WNK1: variants seen among roughly 807,000 people sequenced by gnomAD.
WNK1 encodes WNK lysine deficient protein kinase 1.
WNK1 carries 38 observed loss-of-function variants against 222.8 expected under a neutral mutation model. That is an observed-to-expected ratio of 0.17 (90% CI 0.13 to 0.22). WNK1 has a LOEUF of 0.22. WNK1 is among the 10% of genes least tolerant of loss of function. The pLI is 1.00. For missense variants in WNK1, 2,348 were observed against 2,918.4 expected (o/e 0.80, Z 4.50); for synonymous variants, 1,090 against 1,092.9 (o/e 1.00, Z 0.05).
Position 885,921 on chromosome 12 carries a change from C to T in WNK1, c.5117C>T (p.Thr1706Ile). Residue 1706 changes from threonine to isoleucine, a missense_variant, in exon 19 of 28, where the codon ACC becomes ATC. Transcript: ENST00000315939. ...GCACCAAGCAAACTCCTGACTTCTA[C>T]CACAAGTACTTGCTTACCACCAACC... The part of the protein sequence containing the change: ...AVAPSKLLTS[T>I]TSTCLPPTNL... The T allele has an allele frequency of 3.7e-6, 6 of 1,604,192 alleles. No homozygotes were observed. Among genetic ancestry groups the T allele is most frequent in the Non-Finnish European group, 5.1e-6 (6 of 1,174,204 alleles).
chr12:841,060 T>G (rs756271256), intron 4 of WNK1, among the ~76,000 whole-genome samples: 11 of 152,382 alleles, frequency 7.2e-5, no homozygotes, highest in Non-Finnish European at 1.5e-4. Flanking sequence ...TAACCTGTTT[T>G]CAGTTGTTCA....
At chr12:758,816 A>G (rs1314221825) in intron 1 of WNK1, among the ~76,000 whole-genome samples, 3 of 146,250 alleles carry the variant, frequency 2.1e-5, no homozygotes, top group Admixed American at 1.4e-4. Context: ...TTTTTCTCTT[A>G]CCTTTTTTCT....
chr12:878,137 T>C (rs1172961703), intron 9 of WNK1, 75 bp from the exon 10 acceptor site: 32 of 1,580,232 alleles, frequency 2.0e-5, no homozygotes, highest in Non-Finnish European at 2.8e-5. Flanking sequence ...CTGAAGGCTT[T>C]AGGTAAACAT....
chr12:844,507 G>A (rs1431175064), intron 4 of WNK1, among the ~76,000 whole-genome samples: 1 of 152,186 alleles, frequency 6.6e-6, no homozygotes, highest in African/African-American at 2.4e-5. Context: ...AACTTGAAGA[G>A]TAAGTCCATT....
chr12:841,476 T>A (rs1949620965), intron 4 of WNK1, among the ~76,000 whole-genome samples: 1 of 152,232 alleles, frequency 6.6e-6, no homozygotes, highest in Non-Finnish European at 1.5e-5. Context: ...ATTGCATATA[T>A]ATACTACATT....
Position 753,406 on chromosome 12 carries a change from C to A in WNK1, c.-160C>A. On this transcript the variant is annotated 5_prime_UTR_variant, in exon 1 of 28. Coordinates refer to ENST00000315939, the MANE Select transcript of WNK1 (RefSeq NM_018979.4). The surrounding 1 kb of genome is among the most constrained non-coding windows in gnomAD (Gnocchi z 5.2). ...CAGCTGGGCCCAGCGGTCCGCCTGT[C>A]CCTCGTTGCGGCTTGTCGGTGCTGA... is the stretch of plus-strand genomic sequence containing the variant. 1.1e-6 allele frequency: 1 copy of A among 920,060 alleles called. No homozygotes were observed. Among genetic ancestry groups the A allele is most frequent in the Non-Finnish European group, 1.6e-6 (1 of 617,118 alleles). 57.0% of individuals were successfully genotyped at this position (920,060 alleles called of 1,614,324 possible).
At chr12:841,519 G>A (rs1326228464) in intron 4 of WNK1, among the ~76,000 whole-genome samples, 1 of 152,054 alleles carries the variant, frequency 6.6e-6, no homozygotes, top group East Asian at 1.9e-4. Flanking sequence ...TTTCCCTTTA[G>A]TTCTTTAGTT....
intron 4 of WNK1, among the ~76,000 whole-genome samples, chr12:836,239 A>G (rs1182196438): frequency 6.6e-6 from 1 of 152,210 alleles, no homozygotes; most frequent in East Asian, 1.9e-4. Flanking sequence ...AACATGCTAT[A>G]TGAGTGATAC....
intron 5 of WNK1, 43 bp from the exon 6 acceptor site, chr12:859,202 G>T: frequency 1.3e-6 from 2 of 1,496,140 alleles, no homozygotes; most frequent in South Asian, 2.3e-5. Flanking sequence ...TCAAACTAAT[G>T]GTGTTTTATT....
At chr12:857,467 C>A (rs1950872818) in intron 5 of WNK1, among the ~76,000 whole-genome samples, 1 of 152,112 alleles carries the variant, frequency 6.6e-6, no homozygotes, top group South Asian at 2.1e-4. Context: ...TTTCAGTAAA[C>A]CAGAACCACC....
chr12:858,531 T>C (rs186741104), intron 5 of WNK1, among the ~76,000 whole-genome samples: 302 of 152,316 alleles, frequency 2.0e-3, no homozygotes, highest in African/African-American at 7.0e-3. Context: ...ATGATTGGCA[T>C]ATTGAAACCA....
intron 1 of WNK1, among the ~76,000 whole-genome samples, chr12:808,152 T>TA (rs367994801): frequency 1.3e-5 from 2 of 152,340 alleles, no homozygotes; most frequent in East Asian, 3.9e-4. Context: ...TTAACCCTGT[T>TA]AGCTGCTTTC....
intron 9 of WNK1, among the ~76,000 whole-genome samples, chr12:874,147 C>T (rs1319680179): frequency 1.7e-4 from 25 of 151,364 alleles, no homozygotes; most frequent in Admixed American, 1.1e-3. Context: ...CAGAGCATGA[C>T]TCATCTCAAA....
intron 4 of WNK1, among the ~76,000 whole-genome samples, chr12:845,666 G>T (rs11064566): frequency 6.6e-6 from 1 of 152,128 alleles, no homozygotes; most frequent in African/African-American, 2.4e-5. Context: ...AATGAGAAAG[G>T]CAAAGTGCCT....
At chr12:822,278 G>T (rs142750188) in intron 2 of WNK1, among the ~76,000 whole-genome samples, 2 of 151,740 alleles carry the variant, frequency 1.3e-5, no homozygotes, top group African/African-American at 2.4e-5. Flanking sequence ...ATTTTTAGTA[G>T]AGACAGGGTT....
chr12:807,461 A>C (rs1043204275), intron 1 of WNK1, among the ~76,000 whole-genome samples: 3 of 151,832 alleles, frequency 2.0e-5, no homozygotes, highest in African/African-American at 7.3e-5. Context: ...CAATTCTTTG[A>C]GATGCTTGTC....
At chr12:792,221 A>G (rs957627957) in intron 1 of WNK1, among the ~76,000 whole-genome samples, 12 of 152,146 alleles carry the variant, frequency 7.9e-5, no homozygotes, top group Admixed American at 7.9e-4. Context: ...AAAGGTATAA[A>G]GGTGATAGAG....
chr12:762,945 C>T (rs1187961002), intron 1 of WNK1, among the ~76,000 whole-genome samples: 1 of 146,472 alleles, frequency 6.8e-6, no homozygotes, highest in African/African-American at 2.4e-5. Flanking sequence ...GGGGTTTCTC[C>T]ATGTTGGTCA....
At chr12:856,371 G>A (rs989306662) in intron 4 of WNK1, among the ~76,000 whole-genome samples, 36 of 151,384 alleles carry the variant, frequency 2.4e-4, no homozygotes, top group Non-Finnish European at 4.3e-4. Context: ...GGAGAATCAC[G>A]TGAACCCAGG....
Sources: gnomAD v4.1 joint callset for allele counts (sites outside exome capture counted in the v4.1 genomes callset) on GRCh38, gnomAD v4.1.1 for gene constraint, Gnocchi (gnomAD v3.1) non-coding constraint, MANE v1.5 for transcripts, NCBI Gene and HGNC (gene_info 2026-07-23, HGNC 2026-07-21) for gene names.